The following METTL25 variants were observed in gnomAD, a reference collection of about 807,000 sequenced individuals.
The protein encoded by METTL25 is methyltransferase like 25, also known as probable methyltransferase-like protein 25.
In METTL25, 64 loss-of-function variants were observed where a neutral mutation model predicts 71.6. That is an observed-to-expected ratio of 0.89 (90% confidence interval 0.73 to 1.10). The LOEUF is 1.10. Ranked by LOEUF, METTL25 falls within the 50% of genes least tolerant of loss-of-function variation. The pLI, the probability that METTL25 is intolerant of heterozygous loss-of-function variation, is 0.00. For missense variants in METTL25, 807 were observed against 707.0 expected, an observed-to-expected ratio of 1.14 and a Z score of -1.60; for synonymous variants, 287 against 250.3, an observed-to-expected ratio of 1.15 and a Z score of -1.38.
intron 9 of METTL25, among the ~76,000 whole-genome samples, chr12:82,470,258 C>T (rs891899530): frequency 2.6e-5 from 4 of 152,172 alleles, no homozygotes; most frequent in African/African-American, 9.6e-5. Context: ...CCCAGTGAAC[C>T]CAGGTTTTTA....
intron 2 of METTL25, 50 bp from the exon 3 acceptor site, chr12:82,389,766 C>T: frequency 9.6e-7 from 1 of 1,046,790 alleles, no homozygotes; most frequent in Non-Finnish European, 1.5e-6. Flanking sequence ...CTGATAATTC[C>T]TACTAAATTT....
Position 82,399,101 on chromosome 12 carries a change from G to A in METTL25, c.838G>A (p.Asp280Asn). ...GATGCCTACCTCAGCTATTTTGCCT[G>A]ATTTTTCTGGCTCTGTAATTTCTAA... is the stretch of plus-strand genomic sequence containing the variant. ...EKMPTSAILP[D>N]FSGSVISNIR... Residue 280 changes from aspartate (D) to asparagine (N), a missense_variant, in exon 4 of 12, where the codon GAT becomes AAT. Physicochemically the swap from Asp to Asn is conservative, Grantham distance 23. Coordinates refer to ENST00000248306, the MANE Select transcript of METTL25 (RefSeq NM_032230.3). The A allele has an allele frequency of 1.9e-6, 3 of 1,613,684 alleles. No homozygotes were observed. Among genetic ancestry groups the A allele is most frequent in the Non-Finnish European group, 2.5e-6 (3 of 1,179,820 alleles).
intron 7 of METTL25, chr12:82,438,417 C>G (rs1890075774): frequency 4.7e-6 from 1 of 211,470 alleles, no homozygotes; most frequent in African/African-American, 2.3e-5. Context: ...AAGTATTTCT[C>G]ATTTTTAACT....
chr12:82,440,834 C>T (rs1387238795), intron 8 of METTL25, among the ~76,000 whole-genome samples: 2 of 151,948 alleles, frequency 1.3e-5, no homozygotes, highest in Non-Finnish European at 2.9e-5. Flanking sequence ...GGTTTGTGAA[C>T]ATCAGAGACC....
At chr12:82,433,681 A>G (rs550177430) in intron 6 of METTL25, among the ~76,000 whole-genome samples, 7 of 151,694 alleles carry the variant, frequency 4.6e-5, no homozygotes, top group South Asian at 4.2e-4. Context: ...GATCTTGTGT[A>G]TCTACAAAAA....
At chr12:82,386,760 C>T in intron 1 of METTL25, 43 bp from the exon 2 acceptor site, 2 of 1,435,094 alleles carry the variant, frequency 1.4e-6, no homozygotes, top group Non-Finnish European at 2.0e-6. Flanking sequence ...ACTAATTAAC[C>T]ATTAATTATT....
At chr12:82,463,267 T>C (rs2642011) in intron 9 of METTL25, among the ~76,000 whole-genome samples, 151,595 of 152,100 alleles carry the variant, frequency 1, 75,549 homozygotes, top group Middle Eastern at 1. Context: ...CTCTGTACTA[T>C]ATTTTACTTC....
chr12:82,404,851 G>A (rs994729036), intron 5 of METTL25, among the ~76,000 whole-genome samples: 9 of 151,926 alleles, frequency 5.9e-5, no homozygotes, highest in Non-Finnish European at 1.2e-4. Flanking sequence ...GGCTGAGGCA[G>A]GAGAATCTCT....
intron 1 of METTL25, among the ~76,000 whole-genome samples, chr12:82,384,889 C>G (rs111279049): frequency 0.033 from 5,005 of 152,176 alleles, 92 homozygotes; most frequent in Admixed American, 0.041. Context: ...CTATCACACT[C>G]TACAAAATTG....
At chr12:82,389,556 C>A (rs1028359350) in intron 2 of METTL25, among the ~76,000 whole-genome samples, 10 of 151,916 alleles carry the variant, frequency 6.6e-5, no homozygotes, top group African/African-American at 2.4e-4. Context: ...TGAAAAATTT[C>A]TTTTGTAGTC....
intron 5 of METTL25, among the ~76,000 whole-genome samples, chr12:82,420,062 A>G (rs915912258): frequency 9.9e-5 from 15 of 152,184 alleles, no homozygotes; most frequent in Non-Finnish European, 1.6e-4. Context: ...ATTTTCTACA[A>G]TATGGATGGA....
intron 5 of METTL25, among the ~76,000 whole-genome samples, chr12:82,423,839 T>C (rs972023035): frequency 2.0e-5 from 3 of 152,072 alleles, no homozygotes; most frequent in Admixed American, 6.5e-5. Context: ...CAATGAGATA[T>C]CATCTCACGC....
At chr12:82,435,018 T>A (rs1389840302) in intron 7 of METTL25, among the ~76,000 whole-genome samples, 2 of 151,548 alleles carry the variant, frequency 1.3e-5, no homozygotes, top group Non-Finnish European at 3.0e-5. Flanking sequence ...ATTAGGTTTT[T>A]AGGTGCTTAG....
intron 9 of METTL25, among the ~76,000 whole-genome samples, chr12:82,474,834 A>G (rs1488229557): frequency 6.6e-6 from 1 of 152,206 alleles, no homozygotes. Context: ...AGAAAGAGAA[A>G]CAAAACTCTC....
chr12:82,416,437 A>G (rs1256252427), intron 5 of METTL25, among the ~76,000 whole-genome samples: 1 of 133,438 alleles, frequency 7.5e-6, no homozygotes, highest in East Asian at 2.4e-4. Flanking sequence ...AATTATATTT[A>G]TCATTTAGGT....
intron 8 of METTL25, among the ~76,000 whole-genome samples, chr12:82,451,147 T>C (rs1472267566): frequency 1.3e-5 from 2 of 152,130 alleles, no homozygotes; most frequent in African/African-American, 4.8e-5. Flanking sequence ...CTGTAACTGT[T>C]CTCCAGATTG....
chr12:82,428,886 A>G (rs548208191), intron 5 of METTL25, among the ~76,000 whole-genome samples: 35 of 151,982 alleles, frequency 2.3e-4, no homozygotes, highest in Admixed American at 7.2e-4. Flanking sequence ...CTCAATGTTA[A>G]GTGCTGTGTA....
intron 1 of METTL25, among the ~76,000 whole-genome samples, chr12:82,361,751 G>C (rs1017699687): frequency 2.6e-5 from 4 of 152,174 alleles, no homozygotes; most frequent in African/African-American, 9.7e-5. Flanking sequence ...CGGAACTCGC[G>C]CTGGCCAGCA....
chr12:82,476,725 C>A lies in METTL25; in HGVS notation c.1647+7C>A. 1.3e-6 allele frequency: 2 copies of A among 1,563,502 alleles called. No individual in the cohort carries two copies. Among genetic ancestry groups the A allele is most frequent in the Non-Finnish European group, 8.7e-7 (1 of 1,146,376 alleles). On this transcript the variant is annotated splice_region_variant and intron_variant, in intron 10 of 11. Transcript: ENST00000248306. The stretch of plus-strand genomic sequence containing the variant: ...GCTGGAAGCTTTTAATATGGTAAAT[C>A]TCAGAGTTAAGCATATTAAATTGGA...
Sources: allele counts gnomAD v4.1 joint callset (sites outside exome capture counted in the v4.1 genomes callset), GRCh38; gene constraint gnomAD v4.1.1; transcripts MANE v1.5; gene names NCBI Gene and HGNC (gene_info 2026-07-23, HGNC 2026-07-21).